The following RNF180 variants were observed in gnomAD, a reference collection of about 807,000 sequenced individuals.
The protein encoded by RNF180 is ring finger protein 180, also known as E3 ubiquitin-protein ligase RNF180.
Under a neutral mutation model 59.2 loss-of-function variants are expected in RNF180, and 38 were observed. That is an observed-to-expected ratio of 0.64 (90% CI 0.50 to 0.84). The LOEUF is 0.84. RNF180 is among the 40% of genes least tolerant of loss of function. RNF180 has a pLI of 0.00. For synonymous variants in RNF180, 262 were observed against 240.3 expected (o/e 1.09, Z -0.84); for missense variants, 705 against 700.9 (o/e 1.01, Z -0.07).
chr5:64,360,655 C>G (rs1042746445), intron 7 of RNF180, among the ~76,000 whole-genome samples: 2 of 151,690 alleles, frequency 1.3e-5, no homozygotes, highest in Non-Finnish European at 3.0e-5. Flanking sequence ...AAAGAGATTA[C>G]CAAATTACCA....
Position 64,325,205 on chromosome 5 carries a change from G to T in RNF180, c.1247G>T (p.Ser416Ile). The change falls in exon 6 of 8, where the codon AGT (serine) becomes ATT (isoleucine). Residue 416 changes from serine to isoleucine, a missense_variant. By Grantham distance (142) the Ser-to-Ile change is moderately radical. Transcript: ENST00000389100. ...TTGCAGACTTTGAATAATGAGATGA[G>T]TACAGATGAAGACAATGAATATGCA... ...LDHMTLNNEM[S>I]TDEDNEYAEE... 1 of 1,550,222 alleles carries T rather than the reference G, an allele frequency of 6.5e-7. No individual in the cohort carries two copies. The highest frequency in any genetic ancestry group is 8.7e-7 in the Non-Finnish European group (1 of 1,145,590).
At chr5:64,240,572 A>G (rs903003482) in intron 5 of RNF180, among the ~76,000 whole-genome samples, 1 of 152,196 alleles carries the variant, frequency 6.6e-6, no homozygotes, top group African/African-American at 2.4e-5. Context: ...TTACTTCAGC[A>G]CTTTTAACCA....
chr5:64,293,945 G>A (rs1414547423), intron 5 of RNF180, among the ~76,000 whole-genome samples: 2 of 152,072 alleles, frequency 1.3e-5, no homozygotes, highest in African/African-American at 4.8e-5. Context: ...TTATTATCAT[G>A]CATAGTCATA....
rs1026595507 is a variant in RNF180 at position 64,247,465 on chromosome 5, A to G, written c.1227+30069A>G. On this transcript the variant is annotated intron_variant, in intron 5 of 7. Transcript: ENST00000389100. ...AAAATCACAAGCATTCCTATACACCAATAATAGAAAAACAGCCAAATCATG... is the reference window on the plus strand; with the variant it reads ...AAAATCACAAGCATTCCTATACACCGATAATAGAAAAACAGCCAAATCATG... Among the ~76,000 whole-genome samples, 7 of 152,234 alleles carry G rather than the reference A, an allele frequency of 4.6e-5. No individual in the cohort carries two copies. In the South Asian group the frequency reaches 1.0e-3, roughly 23 times the overall value.
chr5:64,263,543 G>A (rs1295653287), intron 5 of RNF180, among the ~76,000 whole-genome samples: 4 of 152,114 alleles, frequency 2.6e-5, no homozygotes, highest in Non-Finnish European at 5.9e-5. Flanking sequence ...CTGTTTTGAA[G>A]TGAAAAAGCA....
At chr5:64,300,785 T>C (rs1205813887) in intron 5 of RNF180, among the ~76,000 whole-genome samples, 1 of 151,794 alleles carries the variant, frequency 6.6e-6, no homozygotes, top group African/African-American at 2.4e-5. Context: ...AGGCACTATG[T>C]TGAGGATCAT....
intron 5 of RNF180, among the ~76,000 whole-genome samples, chr5:64,289,825 C>A (rs1742479718): frequency 6.6e-6 from 1 of 151,602 alleles, no homozygotes; most frequent in Admixed American, 6.6e-5. Flanking sequence ...TATTAATTTT[C>A]TCAAAAAACC....
chr5:64,331,922 G>A (rs1744926850), intron 7 of RNF180, among the ~76,000 whole-genome samples: 1 of 152,034 alleles, frequency 6.6e-6, no homozygotes, highest in African/African-American at 2.4e-5. Context: ...TCCTGACTCG[G>A]GTGCCCACAG....
At chr5:64,185,316 C>T (rs1750815545) in intron 1 of RNF180, among the ~76,000 whole-genome samples, 3 of 152,130 alleles carry the variant, frequency 2.0e-5, no homozygotes, top group African/African-American at 4.8e-5. Flanking sequence ...TCCTGTTTTA[C>T]ACTCAGAGTT....
At chr5:64,224,101 G>GTGTGTA (rs1022383651) in intron 5 of RNF180, among the ~76,000 whole-genome samples, 1 of 149,996 alleles carries the variant, frequency 6.7e-6, no homozygotes, top group Non-Finnish European at 1.5e-5. Context: ...GTGTGTGTGT[G>GTGTGTA]TGTACATACA....
At chr5:64,259,244 G>A (rs1040610172) in intron 5 of RNF180, among the ~76,000 whole-genome samples, 4 of 152,152 alleles carry the variant, frequency 2.6e-5, no homozygotes, top group African/African-American at 7.2e-5. Flanking sequence ...ATATCTGCAT[G>A]TCTGAAGAGG....
rs978758550 is a variant in RNF180, at chr5:64,267,362, GTTA to G, written c.1227+49971_1227+49973del. On this transcript the variant is annotated intron_variant, in intron 5 of 7. Coordinates refer to ENST00000389100, the MANE Select transcript of RNF180 (RefSeq NM_001113561.2). ...CTTTTATTTATTTATTTATTTATTT[GTTA>G]TTATACTTTAAGTTTTAGGGTACAT... Among the ~76,000 whole-genome samples the G allele has an allele frequency of 4.0e-5, 6 of 151,318 alleles. No individual in the cohort carries two copies. In the South Asian group the frequency reaches 8.4e-4, roughly 21 times the overall value.
intron 1 of RNF180, among the ~76,000 whole-genome samples, chr5:64,193,612 T>C (rs1751295874): frequency 6.6e-6 from 1 of 152,214 alleles, no homozygotes; most frequent in Admixed American, 6.5e-5. Context: ...GTCTTTAGCA[T>C]TTAACCAGTT....
intron 1 of RNF180, among the ~76,000 whole-genome samples, chr5:64,186,213 A>G (rs1750867234): frequency 6.6e-6 from 1 of 152,174 alleles, no homozygotes; most frequent in Non-Finnish European, 1.5e-5. Flanking sequence ...TTGTCTGTGC[A>G]GCCACCTTTC....
chr5:64,228,454 C>T (rs1458994463), intron 5 of RNF180, among the ~76,000 whole-genome samples: 1 of 152,028 alleles, frequency 6.6e-6, no homozygotes, highest in Non-Finnish European at 1.5e-5. Context: ...GTTGAGACTG[C>T]AGTAAGCCAT....
intron 5 of RNF180, among the ~76,000 whole-genome samples, chr5:64,320,513 G>A (rs770588299): frequency 3.9e-5 from 6 of 152,106 alleles, no homozygotes; most frequent in African/African-American, 7.2e-5. Context: ...GACATACTTC[G>A]TTCATTTAGG....
At chr5:64,268,327 G>T (rs1471813104) in intron 5 of RNF180, among the ~76,000 whole-genome samples, 2 of 152,106 alleles carry the variant, frequency 1.3e-5, no homozygotes, top group Non-Finnish European at 2.9e-5. Context: ...CTTCCAGCCA[G>T]ATTATAAATT....
intron 5 of RNF180, among the ~76,000 whole-genome samples, chr5:64,283,828 A>C (rs778988583): frequency 7.2e-5 from 11 of 152,170 alleles, no homozygotes; most frequent in Non-Finnish European, 1.0e-4. Flanking sequence ...CTTTATTAGC[A>C]ATATGAGAAC....
chr5:64,217,617 C>A, intron 5 of RNF180: 1 of 607,770 alleles, frequency 1.6e-6, no homozygotes, highest in Non-Finnish European at 2.3e-6. Flanking sequence ...AACATATGTG[C>A]TTATTTTACA....
Sources: allele counts gnomAD v4.1 joint callset (sites outside exome capture counted in the v4.1 genomes callset), GRCh38; gene constraint gnomAD v4.1.1; transcripts MANE v1.5; gene names NCBI Gene and HGNC (gene_info 2026-07-23, HGNC 2026-07-21).